MAGI3: variants seen among roughly 807,000 people sequenced by gnomAD.
MAGI3 encodes membrane-associated guanylate kinase, WW and PDZ domain-containing protein 3.
MAGI3 carries 43 observed loss-of-function variants against 121.8 expected under a neutral mutation model. That is an observed-to-expected ratio of 0.35 (90% CI 0.28 to 0.46). MAGI3 has a LOEUF of 0.46. Ranked by LOEUF, MAGI3 falls within the 20% of genes least tolerant of loss-of-function variation. MAGI3 has a pLI of 1.00. For synonymous variants in MAGI3, 553 were observed against 639.3 expected (o/e 0.86, Z 2.04); for missense variants, 1,547 against 1,797.3 (o/e 0.86, Z 2.52).
At chr1:113,414,778 A>T (rs1374913494) in intron 1 of MAGI3, among the ~76,000 whole-genome samples, 1 of 152,046 alleles carries the variant, frequency 6.6e-6, no homozygotes, top group Non-Finnish European at 1.5e-5. Flanking sequence ...AATAAAAAAT[A>T]AAATAGTTAC....
At chr1:113,648,405 C>CTAT (rs1276044667) in intron 12 of MAGI3, among the ~76,000 whole-genome samples, 2 of 150,170 alleles carry the variant, frequency 1.3e-5, no homozygotes, top group African/African-American at 4.9e-5. Context: ...ATTTTTGTGA[C>CTAT]TTAATATTCT....
At position 113,404,661 on chromosome 1, in the gene MAGI3, G is replaced by C. The variant is rs111968141; in HGVS notation, c.316+13312G>C. The stretch of plus-strand genomic sequence containing the variant: ...AACATATCACACTGATTGTGGGGGC[G>C]GGGAGGGAGAATCAAAGTTGGAGAG... On this transcript the variant is annotated intron_variant, in intron 1 of 20. Transcript: ENST00000307546. Among the ~76,000 whole-genome samples, 441 of 152,210 alleles carry C rather than the reference G, an allele frequency of 2.9e-3. 1 individual carries two copies. The highest frequency in any genetic ancestry group is 0.01 in the African/African-American group (430 of 41,530).
intron 1 of MAGI3, among the ~76,000 whole-genome samples, chr1:113,515,036 A>G (rs1320486268): frequency 6.6e-6 from 1 of 152,144 alleles, no homozygotes; most frequent in African/African-American, 2.4e-5. Flanking sequence ...CTGTGTGGAT[A>G]CAATATAGCT....
chr1:113,490,492 C>A (rs1409084841), intron 1 of MAGI3, among the ~76,000 whole-genome samples: 2 of 151,974 alleles, frequency 1.3e-5, no homozygotes, highest in Non-Finnish European at 2.9e-5. Flanking sequence ...GAAAAATAAC[C>A]AGGGTCTGTG....
intron 9 of MAGI3, among the ~76,000 whole-genome samples, chr1:113,641,063 GAT>G (rs1362641546): frequency 0.026 from 1,053 of 41,098 alleles, 31 homozygotes; most frequent in Non-Finnish European, 0.039. Context: ...TATTATATAT[GAT>G]ATATATAATA....
intron 9 of MAGI3, among the ~76,000 whole-genome samples, chr1:113,632,273 C>G (rs1255619733): frequency 6.6e-6 from 1 of 152,102 alleles, no homozygotes; most frequent in Non-Finnish European, 1.5e-5. Context: ...TTGACCTTTT[C>G]AACATTTTAT....
intron 1 of MAGI3, among the ~76,000 whole-genome samples, chr1:113,402,659 A>C (rs905089806): frequency 6.6e-6 from 1 of 151,944 alleles, no homozygotes; most frequent in Non-Finnish European, 1.5e-5. Context: ...GGGGAAGATA[A>C]ATTTTAGGGC....
chr1:113,492,524 C>G (rs1656719414), intron 1 of MAGI3, among the ~76,000 whole-genome samples: 1 of 152,116 alleles, frequency 6.6e-6, no homozygotes, highest in African/African-American at 2.4e-5. Flanking sequence ...CACTCGTTTT[C>G]AACATAGTTT....
chr1:113,601,361 C>A (rs1455098978), intron 6 of MAGI3, among the ~76,000 whole-genome samples: 3 of 147,466 alleles, frequency 2.0e-5, no homozygotes, highest in Admixed American at 7.1e-5. Flanking sequence ...CAATGAACTC[C>A]AACAAATTTA....
intron 1 of MAGI3, among the ~76,000 whole-genome samples, chr1:113,407,866 A>G (rs965127005): frequency 2.6e-5 from 4 of 152,184 alleles, no homozygotes; most frequent in Non-Finnish European, 5.9e-5. Flanking sequence ...CCAAATTTCT[A>G]TGTCAAAAAT....
chr1:113,550,365 G>C (rs563848401), intron 2 of MAGI3, among the ~76,000 whole-genome samples: 1 of 151,886 alleles, frequency 6.6e-6, no homozygotes, highest in Non-Finnish European at 1.5e-5. Context: ...GCAGTGAGCC[G>C]AGATAGCGCC....
At chr1:113,561,503 A>G (rs1263963621) in intron 2 of MAGI3, among the ~76,000 whole-genome samples, 1 of 152,214 alleles carries the variant, frequency 6.6e-6, no homozygotes, top group Non-Finnish European at 1.5e-5. Flanking sequence ...AAATAGAACT[A>G]AAGACAAAAA....
At chr1:113,429,080 A>T (rs1300423402) in intron 1 of MAGI3, among the ~76,000 whole-genome samples, 3 of 152,182 alleles carry the variant, frequency 2.0e-5, no homozygotes, top group African/African-American at 7.2e-5. Context: ...CTGTCACTTT[A>T]TCATAAATCA....
At chr1:113,631,746 C>T (rs1651648766) in intron 9 of MAGI3, among the ~76,000 whole-genome samples, 1 of 152,026 alleles carries the variant, frequency 6.6e-6, no homozygotes, top group African/African-American at 2.4e-5. Context: ...CTTAATCTTA[C>T]TGGTTATTAA....
intron 2 of MAGI3, among the ~76,000 whole-genome samples, chr1:113,568,710 A>T (rs1273389389): frequency 1.3e-5 from 2 of 152,084 alleles, no homozygotes; most frequent in African/African-American, 4.8e-5. Context: ...ATGACTTTTA[A>T]TAAATTATTT....
At chr1:113,400,166 C>G (rs1357439140) in intron 1 of MAGI3, among the ~76,000 whole-genome samples, 1 of 152,024 alleles carries the variant, frequency 6.6e-6, no homozygotes, top group African/African-American at 2.4e-5. Context: ...TTTATAGCCT[C>G]CACTGGGAGA....
intron 1 of MAGI3, among the ~76,000 whole-genome samples, chr1:113,466,762 T>C (rs1655311069): frequency 6.6e-6 from 1 of 152,146 alleles, no homozygotes; most frequent in South Asian, 2.1e-4. Flanking sequence ...TTTGTTGGCA[T>C]ATAGTCTCTA....
At chr1:113,643,251 C>T (rs772615878) in intron 10 of MAGI3, among the ~76,000 whole-genome samples, 4 of 152,204 alleles carry the variant, frequency 2.6e-5, no homozygotes, top group African/African-American at 7.2e-5. Context: ...TCTTTTATCT[C>T]TCTGGATTTT....
chr1:113,514,414 G>T (rs1657779667), intron 1 of MAGI3, among the ~76,000 whole-genome samples: 2 of 152,018 alleles, frequency 1.3e-5, no homozygotes, highest in African/African-American at 2.4e-5. Context: ...AGAAAATGTG[G>T]CACATATACA....
Sources: allele counts gnomAD v4.1 joint callset (sites outside exome capture counted in the v4.1 genomes callset), GRCh38; gene constraint gnomAD v4.1.1; transcripts MANE v1.5; gene names NCBI Gene and HGNC (gene_info 2026-07-23, HGNC 2026-07-21).